SEMA4D: variants seen among roughly 807,000 people sequenced by gnomAD.
SEMA4D encodes the protein semaphorin-4D.
A neutral mutation model predicts 74.8 loss-of-function variants in SEMA4D; 22 were observed. The ratio of observed to expected loss-of-function variants is 0.29; its 90% CI spans 0.21 to 0.42. The LOEUF (loss-of-function observed/expected upper bound fraction) is 0.42. Ranked by LOEUF, SEMA4D falls within the 10% of genes least tolerant of loss-of-function variation. The pLI, the probability that SEMA4D is intolerant of heterozygous loss-of-function variation, is 1.00. For missense variants in SEMA4D, 937 were observed against 1,118.4 expected (o/e 0.84, Z 2.31); for synonymous variants, 445 against 463.7 (o/e 0.96, Z 0.52).
At chr9:89,494,480 C>T (rs1202599233) in intron 1 of SEMA4D, among the ~76,000 whole-genome samples, 1 of 152,208 alleles carries the variant, frequency 6.6e-6, no homozygotes, top group Non-Finnish European at 1.5e-5. Context: ...GGCTTCCGTG[C>T]TGAGCGCCTG....
chr9:89,399,346 G>T lies in SEMA4D; in HGVS notation c.253-8C>A. On this transcript the variant is annotated splice_region_variant and splice_polypyrimidine_tract_variant and intron_variant, in intron 4 of 15. Coordinates refer to ENST00000422704, the MANE Select transcript of SEMA4D (RefSeq NM_001371194.2). ...TGAGACCTTCCAATACACCTGTTGG[G>T]ATAGAGTCCATATCAGTGCATATTC... 1 of 1,602,402 alleles carries T rather than the reference G, an allele frequency of 6.2e-7. No homozygotes were observed. Among genetic ancestry groups the T allele is most frequent in the Non-Finnish European group, 8.6e-7 (1 of 1,169,358 alleles).
intron 1 of SEMA4D, among the ~76,000 whole-genome samples, chr9:89,491,152 C>T (rs1825595428): frequency 6.6e-6 from 1 of 152,178 alleles, no homozygotes; most frequent in African/African-American, 2.4e-5. Flanking sequence ...TGGAAAGCAC[C>T]CCAAGTCTAA....
In SEMA4D at chr9:89,386,085, A is replaced by T. The variant is rs544712214; in HGVS notation, c.1446+282T>A. 7.0e-4 allele frequency: 687 copies of T among 985,242 alleles called. 5 individuals are homozygous for T. In the African/African-American group the frequency reaches 0.011, roughly 16 times the overall value. 61.0% of individuals were successfully genotyped at this position (985,242 alleles called of 1,614,324 possible). On this transcript the variant is annotated intron_variant, in intron 13 of 15. Transcript: ENST00000422704. Reference sequence around the variant, plus strand: ...AAGGTGTCTTCATGGAGCAGTGCCCACCTCTCCACAGCCTGTAAAGCTGCA... The same window carrying T: ...AAGGTGTCTTCATGGAGCAGTGCCCTCCTCTCCACAGCCTGTAAAGCTGCA...
rs1045919985 is a variant in SEMA4D at position 89,381,408 on chromosome 9, C to T, written c.1447-62G>A. The stretch of plus-strand genomic sequence containing the variant: ...AAGCAGGCATCCAGGAGCATGGCCT[C>T]TGCTTCTGCACCAGTGTGTGGGAAG... On this transcript the variant is annotated intron_variant, in intron 13 of 15. Coordinates refer to ENST00000422704, the MANE Select transcript of SEMA4D (RefSeq NM_001371194.2). The surrounding 1 kb of genome is among the most constrained non-coding windows in gnomAD (Gnocchi z 4.6). 1.4e-6 allele frequency: 2 copies of T among 1,409,706 alleles called. No homozygotes were observed. The highest frequency in any genetic ancestry group is 2.8e-5 in the Admixed American group (1 of 35,198). 87.3% of individuals were successfully genotyped at this position (1,409,706 alleles called of 1,614,324 possible).
At chr9:89,370,496 TATG>T (rs909687770) in intron 16 of SEMA4D, among the ~76,000 whole-genome samples, 14 of 141,498 alleles carry the variant, frequency 9.9e-5, no homozygotes, top group Non-Finnish European at 1.4e-4. Flanking sequence ...ATGAAGGAGG[TATG>T]GTGTGTGTGT....
chr9:89,496,188 A>AG (rs549888505), intron 1 of SEMA4D, among the ~76,000 whole-genome samples: 9 of 152,118 alleles, frequency 5.9e-5, no homozygotes, highest in Non-Finnish European at 1.3e-4. Context: ...CCAGGCACTC[A>AG]GGGGGGTCTG....
chr9:89,413,779 C>A (rs1271017740), intron 2 of SEMA4D, among the ~76,000 whole-genome samples: 2 of 152,234 alleles, frequency 1.3e-5, no homozygotes, highest in African/African-American at 4.8e-5. Flanking sequence ...TATATCCATA[C>A]ATATGTATCT....
intron 2 of SEMA4D, among the ~76,000 whole-genome samples, chr9:89,427,816 C>T (rs1007921855): frequency 6.6e-6 from 1 of 152,298 alleles, no homozygotes; most frequent in African/African-American, 2.4e-5. Context: ...AGAATGTGTG[C>T]GACGTGGCGG....
intron 5 of SEMA4D, 87 bp from the exon 6 acceptor site, chr9:89,396,922 G>C (rs1841092345): frequency 1.6e-6 from 2 of 1,215,496 alleles, no homozygotes; most frequent in South Asian, 2.7e-5. Context: ...CATCTCAGGG[G>C]CACAGACCCA....
chr9:89,443,148 A>G (rs1211128416), intron 2 of SEMA4D, among the ~76,000 whole-genome samples: 1 of 152,224 alleles, frequency 6.6e-6, no homozygotes, highest in Non-Finnish European at 1.5e-5. Context: ...CAGGTCCCCT[A>G]GGGACTTCTC....
chr9:89,459,983 T>C (rs1165824592), intron 1 of SEMA4D, among the ~76,000 whole-genome samples: 1 of 152,144 alleles, frequency 6.6e-6, no homozygotes, highest in Non-Finnish European at 1.5e-5. Flanking sequence ...CAGAAACAAC[T>C]GCTACAAAAA....
At chr9:89,463,638 A>T (rs1857893237) in intron 1 of SEMA4D, among the ~76,000 whole-genome samples, 1 of 152,208 alleles carries the variant, frequency 6.6e-6, no homozygotes, top group Non-Finnish European at 1.5e-5. Context: ...TGTTGTGTTT[A>T]AAGAACCAAA....
chr9:89,363,609 T>C, intron 17 of SEMA4D: 1 of 1,597,774 alleles, frequency 6.3e-7, no homozygotes, highest in Middle Eastern at 1.7e-4. Context: ...CCTTTCTCAA[T>C]GGAAAGCCAA....
chr9:89,404,844 C>A (rs1411810232), intron 3 of SEMA4D, among the ~76,000 whole-genome samples: 1 of 144,158 alleles, frequency 6.9e-6, no homozygotes. Flanking sequence ...CCATCCTCAG[C>A]CACCCGCCTC....
At chr9:89,385,735 G>T in intron 13 of SEMA4D, 1 of 401,694 alleles carries the variant, frequency 2.5e-6, no homozygotes, top group Non-Finnish European at 3.4e-6. Flanking sequence ...CCAGACAGGG[G>T]CCCTCTTCCT....
At chr9:89,363,936 G>T (rs753815511) in exon 17 of SEMA4D, 1 of 1,613,962 alleles carries the variant, frequency 6.2e-7, no homozygotes, top group Non-Finnish European at 8.5e-7. Flanking sequence ...CAGACAAAGC[G>T]AATGTCTGCA....
chr9:89,477,511 G>A (rs1291213522), intron 1 of SEMA4D, among the ~76,000 whole-genome samples: 3 of 152,184 alleles, frequency 2.0e-5, no homozygotes, highest in African/African-American at 7.2e-5. Flanking sequence ...GCACACACAA[G>A]GGCACACATG....
At chr9:89,362,822 G>A (rs893849062) in intron 18 of SEMA4D, among the ~76,000 whole-genome samples, 1 of 144,138 alleles carries the variant, frequency 6.9e-6, no homozygotes, top group Admixed American at 7.6e-5. Context: ...CACCGCAGGT[G>A]GTAGCACACA....
At chr9:89,393,493 A>G in intron 7 of SEMA4D, 69 bp downstream of exon 7, 2 of 1,315,418 alleles carry the variant, frequency 1.5e-6, no homozygotes, top group East Asian at 2.3e-5. Context: ...GAAGATCCAA[A>G]TATCCTGTTT....
Sources: allele counts gnomAD v4.1 joint callset (sites outside exome capture counted in the v4.1 genomes callset), GRCh38; gene constraint gnomAD v4.1.1; non-coding constraint Gnocchi (gnomAD v3.1); transcripts MANE v1.5; gene names NCBI Gene and HGNC (gene_info 2026-07-23, HGNC 2026-07-21).